Variants in NEMP2 observed in about 807,000 individuals in gnomAD.
NEMP2 encodes nuclear envelope integral membrane protein 2.
Under a neutral mutation model 54.2 loss-of-function variants are expected in NEMP2, and 53 were observed. That is an observed-to-expected ratio of 0.98 (90% CI 0.78 to 1.23). NEMP2 has a LOEUF of 1.23. Among genes scored for constraint, NEMP2 ranks in the 50% most tolerant of loss-of-function variants. The pLI, the probability that NEMP2 is intolerant of heterozygous loss-of-function variation, is 0.00. For synonymous variants in NEMP2, 197 were observed against 190.3 expected (o/e 1.04, Z -0.29); for missense variants, 455 against 511.3 (o/e 0.89, Z 1.06).
the NEMP2 span, among the ~76,000 whole-genome samples, chr2:190,550,810 T>C: frequency 6.6e-6 from 1 of 152,294 alleles, no homozygotes; most frequent in African/African-American, 2.4e-5. This position sits in a 1 kb window ranked among gnomAD's most constrained non-coding sequence, Gnocchi z 4.7. Flanking sequence ...ACTCATTCAC[T>C]AGAATCTTTA....
At chr2:190,450,488 CTTTTTTTTTT>C in the NEMP2 span, among the ~76,000 whole-genome samples, 3 of 97,254 alleles carry the variant, frequency 3.1e-5, no homozygotes, top group South Asian at 7.8e-4. Flanking sequence ...TCTCTTTTTC[CTTTTTTTTTT>C]TTTTTTTTTT....
At chr2:190,532,649 TA>T (rs1691187500) in intron 1 of NEMP2, among the ~76,000 whole-genome samples, 1 of 152,228 alleles carries the variant, frequency 6.6e-6, no homozygotes, top group East Asian at 1.9e-4. Flanking sequence ...AAGTGTGTGT[TA>T]TTCAAGACAA....
the NEMP2 span, among the ~76,000 whole-genome samples, chr2:190,640,681 T>G: frequency 6.6e-6 from 1 of 152,138 alleles, no homozygotes; most frequent in East Asian, 1.9e-4. Flanking sequence ...TTGTAGGATA[T>G]ATGCATTGTC....
chr2:190,635,590 T>C, the NEMP2 span, among the ~76,000 whole-genome samples: 1 of 152,238 alleles, frequency 6.6e-6, no homozygotes, highest in Admixed American at 6.5e-5. The surrounding 1 kb of genome is among the most constrained non-coding windows in gnomAD (Gnocchi z 4.1). Flanking sequence ...TGCATATCTA[T>C]TTCATTCATT....
At chr2:190,608,227 T>C in the NEMP2 span, 12 of 152,166 alleles carry the variant, frequency 7.9e-5, no homozygotes, top group Non-Finnish European at 1.2e-4. This position sits in a 1 kb window ranked among gnomAD's most constrained non-coding sequence, Gnocchi z 4.9. Flanking sequence ...GTAATCCTTA[T>C]TTTACTTAAT....
chr2:190,560,379 C>T, the NEMP2 span, among the ~76,000 whole-genome samples: 1 of 152,130 alleles, frequency 6.6e-6, no homozygotes, highest in African/African-American at 2.4e-5. The surrounding 1 kb of genome is among the most constrained non-coding windows in gnomAD (Gnocchi z 5.4). Context: ...AAATGCTCAT[C>T]GGTTTTAACA....
chr2:190,489,412 C>T, the NEMP2 span, among the ~76,000 whole-genome samples: 1 of 152,142 alleles, frequency 6.6e-6, no homozygotes, highest in African/African-American at 2.4e-5. The surrounding 1 kb of genome is among the most constrained non-coding windows in gnomAD (Gnocchi z 6.6). Context: ...TTGAGCACTG[C>T]TGTTCCAACT....
the NEMP2 span, among the ~76,000 whole-genome samples, chr2:190,447,229 C>G: frequency 6.6e-6 from 1 of 152,108 alleles, no homozygotes; most frequent in African/African-American, 2.4e-5. The surrounding 1 kb of genome is among the most constrained non-coding windows in gnomAD (Gnocchi z 4.5). Flanking sequence ...TCAGAGAACA[C>G]AAAGTTAGTG....
At chr2:190,614,903 G>A in the NEMP2 span, among the ~76,000 whole-genome samples, 1 of 152,164 alleles carries the variant, frequency 6.6e-6, no homozygotes, top group Non-Finnish European at 1.5e-5. The surrounding 1 kb of genome is among the most constrained non-coding windows in gnomAD (Gnocchi z 5.7). Flanking sequence ...TGATCTCCTG[G>A]CATCTGGAGG....
At chr2:190,479,679 C>T in the NEMP2 span, among the ~76,000 whole-genome samples, 1 of 152,112 alleles carries the variant, frequency 6.6e-6, no homozygotes, top group Non-Finnish European at 1.5e-5. Context: ...ATTATCCTTG[C>T]TATTAAAATG....
the NEMP2 span, among the ~76,000 whole-genome samples, chr2:190,459,988 C>G: frequency 2.6e-5 from 4 of 152,204 alleles, no homozygotes; most frequent in Non-Finnish European, 5.9e-5. The surrounding 1 kb of genome is among the most constrained non-coding windows in gnomAD (Gnocchi z 5.3). Context: ...CTGATAGAAG[C>G]TTGGTGGCTC....
chr2:190,596,051 A>G, the NEMP2 span, among the ~76,000 whole-genome samples: 5 of 152,236 alleles, frequency 3.3e-5, no homozygotes, highest in South Asian at 1.0e-3. This position sits in a 1 kb window ranked among gnomAD's most constrained non-coding sequence, Gnocchi z 5.1. Context: ...CATATACACC[A>G]TGGAATACTA....
At chr2:190,475,626 G>T in the NEMP2 span, among the ~76,000 whole-genome samples, 1 of 152,110 alleles carries the variant, frequency 6.6e-6, no homozygotes, top group Non-Finnish European at 1.5e-5. Context: ...CGTGAAAATG[G>T]CCATACTGCC....
At chr2:190,453,988 CT>C in the NEMP2 span, 2 of 152,116 alleles carry the variant, frequency 1.3e-5, no homozygotes, top group African/African-American at 4.8e-5. Context: ...ATTCTTGTAT[CT>C]TTTATAGGGA....
At chr2:190,480,052 A>T in the NEMP2 span, among the ~76,000 whole-genome samples, 120 of 152,322 alleles carry the variant, frequency 7.9e-4, no homozygotes, top group African/African-American at 2.7e-3. Context: ...GGTCCCAGCT[A>T]CTGGGGAGGC....
At chr2:190,583,402 C>T in the NEMP2 span, among the ~76,000 whole-genome samples, 1 of 152,146 alleles carries the variant, frequency 6.6e-6, no homozygotes, top group Admixed American at 6.6e-5. Flanking sequence ...GAGTGGCTAA[C>T]ATCTGTATTT....
the NEMP2 span, among the ~76,000 whole-genome samples, chr2:190,488,452 T>C: frequency 6.6e-6 from 1 of 152,208 alleles, no homozygotes; most frequent in African/African-American, 2.4e-5. This position sits in a 1 kb window ranked among gnomAD's most constrained non-coding sequence, Gnocchi z 6.4. Context: ...TGGAGATGGA[T>C]GGTGGTGACA....
chr2:190,564,391 A>G, the NEMP2 span, among the ~76,000 whole-genome samples: 5 of 152,288 alleles, frequency 3.3e-5, no homozygotes, highest in Non-Finnish European at 5.9e-5. This position sits in a 1 kb window ranked among gnomAD's most constrained non-coding sequence, Gnocchi z 4.2. Context: ...CTGGCATTTT[A>G]TCTTGTCAGC....
chr2:190,542,832 T>A, the NEMP2 span, among the ~76,000 whole-genome samples: 2 of 152,250 alleles, frequency 1.3e-5, no homozygotes, highest in Non-Finnish European at 2.9e-5. This position sits in a 1 kb window ranked among gnomAD's most constrained non-coding sequence, Gnocchi z 4.6. Context: ...ATCTGCTGTT[T>A]TGAATTCTTG....
Sources: gnomAD v4.1 joint callset for allele counts (sites outside exome capture counted in the v4.1 genomes callset) on GRCh38, gnomAD v4.1.1 for gene constraint, Gnocchi (gnomAD v3.1) non-coding constraint, MANE v1.5 for transcripts, NCBI Gene and HGNC (gene_info 2026-07-23, HGNC 2026-07-21) for gene names.